Variants in CTDP1 observed in about 807,000 individuals in gnomAD.
CTDP1 encodes the protein RNA polymerase II subunit A C-terminal domain phosphatase.
In CTDP1, 47 loss-of-function variants were observed where a neutral mutation model predicts 91.8. That is an observed-to-expected ratio of 0.51 (90% CI 0.41 to 0.65). The LOEUF (loss-of-function observed/expected upper bound fraction) is 0.65, where lower values mean the gene tolerates loss of function less well. CTDP1 is among the 30% of genes least tolerant of loss of function. CTDP1 has a pLI of 0.00. For synonymous variants in CTDP1, 656 were observed against 598.5 expected (o/e 1.10, Z -1.40); for missense variants, 1,272 against 1,373.7 (o/e 0.93, Z 1.17).
At chr18:79,746,371 C>T (rs570623330) in intron 12 of CTDP1, among the ~76,000 whole-genome samples, 1 of 148,674 alleles carries the variant, frequency 6.7e-6, no homozygotes, top group Non-Finnish European at 1.5e-5. Context: ...CTCCCATGCG[C>T]GTTCTGTCCG....
At chr18:79,738,162 C>T (rs1208487508) in intron 12 of CTDP1, among the ~76,000 whole-genome samples, 2 of 152,212 alleles carry the variant, frequency 1.3e-5, no homozygotes, top group Non-Finnish European at 2.9e-5. Flanking sequence ...CGTCCGCAGT[C>T]AGCGGGCTGC....
At chr18:79,711,491 A>G (rs1017368455) in intron 6 of CTDP1, among the ~76,000 whole-genome samples, 1 of 152,150 alleles carries the variant, frequency 6.6e-6, no homozygotes, top group Non-Finnish European at 1.5e-5. Flanking sequence ...GGATGGCATC[A>G]GGGAGGTGGC....
At chr18:79,750,857 G>T (rs1416785226) in intron 12 of CTDP1, among the ~76,000 whole-genome samples, 2 of 151,468 alleles carry the variant, frequency 1.3e-5, no homozygotes, top group Non-Finnish European at 2.9e-5. Flanking sequence ...TTTAAGAAAG[G>T]ATCTCATGGA....
chr18:79,736,139 A>C (rs1470702400), intron 11 of CTDP1: 14 of 620,458 alleles, frequency 2.3e-5, no homozygotes, highest in Non-Finnish European at 2.3e-5. Context: ...CTGCGAACCG[A>C]CTGGGTTTGC....
At chr18:79,738,011 C>T (rs2086700534) in intron 12 of CTDP1, among the ~76,000 whole-genome samples, 1 of 142,456 alleles carries the variant, frequency 7.0e-6, no homozygotes, top group Non-Finnish European at 1.5e-5. Flanking sequence ...GCCTCCCCCG[C>T]AGGTCCCCGC....
At chr18:79,734,604 G>C (rs3786246) in intron 11 of CTDP1, among the ~76,000 whole-genome samples, 1 of 151,072 alleles carries the variant, frequency 6.6e-6, no homozygotes. Flanking sequence ...AGGGTCCCTC[G>C]GGTCCGTGGG....
chr18:79,745,262 T>C (rs55653136), intron 12 of CTDP1, among the ~76,000 whole-genome samples: 18,480 of 99,788 alleles, frequency 0.19, 1,305 homozygotes, highest in African/African-American at 0.24. Context: ...GTTCTGTCCC[T>C]GCGTCCCTCC....
At chr18:79,750,711 A>C in intron 12 of CTDP1, among the ~76,000 whole-genome samples, 2 of 127,122 alleles carry the variant, frequency 1.6e-5, no homozygotes, top group African/African-American at 6.2e-5. Flanking sequence ...ATGGGGTTTC[A>C]CCATGTTGGT....
In CTDP1 at chr18:79,719,575, G is replaced by A. The variant is rs550486130; in HGVS notation, c.2417+1559G>A. On this transcript the variant is annotated intron_variant, in intron 10 of 12. Coordinates refer to ENST00000613122, the MANE Select transcript of CTDP1 (RefSeq NM_004715.5). ...TGTCACCTCCAGTTGTTAGGAAGGT[G>A]TCCTGGTGATGTCACTTCCCATTAG... 4.8e-3 allele frequency among the ~76,000 whole-genome samples: 727 copies of A among 152,062 alleles called. 4 individuals are homozygous for A. Among genetic ancestry groups the A allele is most frequent in the African/African-American group, 0.016 (675 of 41,480 alleles).
intron 5 of CTDP1, among the ~76,000 whole-genome samples, chr18:79,708,018 A>C (rs1187974719): frequency 6.6e-6 from 1 of 152,228 alleles, no homozygotes; most frequent in African/African-American, 2.4e-5. Flanking sequence ...GATCATCTGG[A>C]ATTTACGCAT....
chr18:79,678,492 T>G (rs1293020246), upstream of CTDP1: 2 of 152,226 alleles, frequency 1.3e-5, no homozygotes, highest in Non-Finnish European at 2.9e-5. Flanking sequence ...TGTTAACTGC[T>G]AATCGGAGTA....
At position 79,714,524 on chromosome 18, in the gene CTDP1, C is replaced by T; in HGVS notation, c.1064C>T (p.Pro355Leu). The T allele has an allele frequency of 6.2e-7, 1 of 1,613,154 alleles. No individual in the cohort carries two copies. Among genetic ancestry groups the T allele is most frequent in the Non-Finnish European group, 8.5e-7 (1 of 1,180,034 alleles). ...TCTCGAGGCACTGAGGTCTCAGAGC[C>T]ATCTCCGCCCGTGAGAGACCCTGAG... ...NHSRGTEVSEPSPPVRDPEGV... is the reference protein window; with the variant it reads ...NHSRGTEVSELSPPVRDPEGV... The change falls in exon 8 of 13, where the codon CCA (proline) becomes CTA (leucine). Residue 355 changes from proline (P) to leucine (L), a missense_variant. Pro to Leu is a moderately conservative substitution (Grantham distance 98). Coordinates refer to ENST00000613122, the MANE Select transcript of CTDP1 (RefSeq NM_004715.5).
intron 4 of CTDP1, among the ~76,000 whole-genome samples, chr18:79,701,385 C>T (rs994122062): frequency 6.6e-6 from 1 of 151,928 alleles, no homozygotes; most frequent in Non-Finnish European, 1.5e-5. Flanking sequence ...TGGCGGGTGC[C>T]TGTAGTCCCA....
chr18:79,714,388 G>T, intron 7 of CTDP1, 103 bp from the exon 8 acceptor site: 1 of 1,333,954 alleles, frequency 7.5e-7, no homozygotes, highest in South Asian at 1.2e-5. Flanking sequence ...TCTAGAGGGT[G>T]GTGGACTTCA....
upstream of CTDP1, chr18:79,679,756 G>A (rs56246515): frequency 0.17 from 91,679 of 537,350 alleles, 8,282 homozygotes; most frequent in Middle Eastern, 0.23. Context: ...ACACGCGCAC[G>A]TACGCACGTA....
rs2086184601 is a variant in CTDP1, at chr18:79,715,385, G to A, written c.1925G>A (p.Ser642Asn). The A allele has an allele frequency of 5.0e-6, 8 of 1,606,838 alleles. No homozygotes were observed. The highest frequency in any genetic ancestry group is 5.9e-6 in the Non-Finnish European group (7 of 1,176,652). Residue 642 changes from serine to asparagine, a missense_variant, in exon 8 of 13, where the codon AGT becomes AAT. Ser to Asn is a conservative substitution (Grantham distance 46, BLOSUM62 1). Coordinates refer to ENST00000613122, the MANE Select transcript of CTDP1 (RefSeq NM_004715.5). The part of the protein sequence containing the change: ...KVLADVAIIF[S>N]GLHPTNFPIE... ...CTGGCAGACGTGGCCATAATTTTCAGTGGGCTACACCCGACAAACTTCCCG... is the reference window on the plus strand; with the variant it reads ...CTGGCAGACGTGGCCATAATTTTCAATGGGCTACACCCGACAAACTTCCCG...
chr18:79,720,438 G>A (rs1029430943), intron 10 of CTDP1, among the ~76,000 whole-genome samples: 2 of 150,802 alleles, frequency 1.3e-5, no homozygotes, highest in African/African-American at 2.4e-5. Context: ...ACCTCCCATC[G>A]TGTCCTGGTG....
chr18:79,747,338 A>G (rs2086901608), intron 12 of CTDP1, among the ~76,000 whole-genome samples: 2 of 152,170 alleles, frequency 1.3e-5, no homozygotes, highest in African/African-American at 4.8e-5. Flanking sequence ...TGAGGAGAGC[A>G]TGACAATGTT....
rs545358626 is a variant in CTDP1, at chr18:79,729,969, T to C, written c.2580+900T>C. 6.6e-4 allele frequency among the ~76,000 whole-genome samples: 100 copies of C among 152,326 alleles called. No homozygotes were observed. The Middle Eastern group carries it at 0.01, about 16-fold the overall frequency. ...CTCTGGAGAGAGCCACCATTCTGTT[T>C]GCATCCAGAAGGCAGCAGAGGTTCT... On this transcript the variant is annotated intron_variant, in intron 11 of 12. Transcript: ENST00000613122.
Sources: gnomAD v4.1 joint callset for allele counts (sites outside exome capture counted in the v4.1 genomes callset) on GRCh38, gnomAD v4.1.1 for gene constraint, MANE v1.5 for transcripts, NCBI Gene and HGNC (gene_info 2026-07-23, HGNC 2026-07-21) for gene names.